The following POU6F2 variants were observed in gnomAD, a reference collection of about 807,000 sequenced individuals.
The protein encoded by POU6F2 is POU class 6 homeobox 2.
Under a neutral mutation model 71.3 loss-of-function variants are expected in POU6F2, and 31 were observed. That is an observed-to-expected ratio of 0.43 (90% CI 0.33 to 0.59). The LOEUF (loss-of-function observed/expected upper bound fraction) is 0.59. Ranked by LOEUF, POU6F2 falls within the 20% of genes least tolerant of loss-of-function variation. The probability of loss-of-function intolerance (pLI) is 0.04; values close to 1 mark genes in which losing one functional copy is unlikely to be tolerated. For synonymous variants in POU6F2, 347 were observed against 355.7 expected (o/e 0.98, Z 0.27); for missense variants, 783 against 856.8 (o/e 0.91, Z 1.07).
intron 5 of POU6F2, among the ~76,000 whole-genome samples, chr7:39,399,832 A>C (rs1237828962): frequency 6.6e-6 from 1 of 151,736 alleles, no homozygotes; most frequent in Non-Finnish European, 1.5e-5. Context: ...CCTGGGCAAC[A>C]AAGGGAGACC....
chr7:39,107,336 T>C (rs2128724839), intron 2 of POU6F2, among the ~76,000 whole-genome samples: 1 of 152,320 alleles, frequency 6.6e-6, no homozygotes, highest in East Asian at 1.9e-4. Flanking sequence ...TTAGCCACTG[T>C]GCCCACCTTC....
intron 2 of POU6F2, among the ~76,000 whole-genome samples, chr7:39,091,859 G>A (rs1791368413): frequency 6.6e-6 from 1 of 152,182 alleles, no homozygotes; most frequent in African/African-American, 2.4e-5. Flanking sequence ...TTTGTTATGA[G>A]ACAGCCAACA....
At chr7:39,370,863 C>T (rs1464938495) in intron 5 of POU6F2, among the ~76,000 whole-genome samples, 3 of 152,172 alleles carry the variant, frequency 2.0e-5, no homozygotes, top group Admixed American at 1.3e-4. Context: ...CCTGTAGGCT[C>T]AACCTGCAGA....
At chr7:39,190,706 C>T (rs1014640368) in intron 2 of POU6F2, among the ~76,000 whole-genome samples, 5 of 139,766 alleles carry the variant, frequency 3.6e-5, no homozygotes, top group African/African-American at 1.1e-4. Context: ...AGCATGATCT[C>T]GGCTCACTGC....
At chr7:39,406,290 G>C in intron 5 of POU6F2, 1 of 342,722 alleles carries the variant, frequency 2.9e-6, no homozygotes, top group South Asian at 4.6e-5. Context: ...GGGCTTCTGC[G>C]AAATCATTTC....
intron 4 of POU6F2, among the ~76,000 whole-genome samples, chr7:39,300,567 G>T (rs4723849): frequency 0.46 from 69,477 of 151,982 alleles, 16,721 homozygotes; most frequent in Admixed American, 0.59. Context: ...TTTATTTTCT[G>T]ACAGTTCTGG....
intron 1 of POU6F2, among the ~76,000 whole-genome samples, chr7:39,009,168 T>C (rs1024671938): frequency 1.5e-4 from 23 of 151,938 alleles, no homozygotes; most frequent in Admixed American, 3.3e-4. Flanking sequence ...TGGAATGTTC[T>C]TCCATTTGTT....
chr7:39,317,124 C>G (rs1785283613), intron 4 of POU6F2, among the ~76,000 whole-genome samples: 1 of 152,200 alleles, frequency 6.6e-6, no homozygotes, highest in Non-Finnish European at 1.5e-5. Flanking sequence ...ATCCCACCCC[C>G]TCCGCAGTAA....
chr7:39,100,051 TA>T (rs1337733365), intron 2 of POU6F2, among the ~76,000 whole-genome samples: 1 of 152,234 alleles, frequency 6.6e-6, no homozygotes, highest in Non-Finnish European at 1.5e-5. Flanking sequence ...TTTCTGCCCC[TA>T]AATGGAAGTG....
intron 2 of POU6F2, among the ~76,000 whole-genome samples, chr7:39,098,878 T>G (rs541053165): frequency 1.3e-5 from 2 of 152,358 alleles, no homozygotes; most frequent in East Asian, 3.9e-4. Context: ...TGATTAATTT[T>G]GGGCAGCAGA....
Position 39,179,088 on chromosome 7 carries a change from G to C in POU6F2, c.278-25147G>C, listed in dbSNP as rs1263208870. Among the ~76,000 whole-genome samples the C allele has an allele frequency of 1.8e-3, 279 of 152,272 alleles. 3 individuals carry two copies. Among genetic ancestry groups the C allele is most frequent in the African/African-American group, 6.4e-3 (265 of 41,550 alleles). On this transcript the variant is annotated intron_variant, in intron 2 of 9. Transcript: ENST00000518318. ...ATACCTGGAGTTTAGATTCCATAAAGATAACATGATTGTATTCCACCTTAT... is the reference window on the plus strand; with the variant it reads ...ATACCTGGAGTTTAGATTCCATAAACATAACATGATTGTATTCCACCTTAT...
At chr7:38,996,932 G>T (rs1401141979) in intron 1 of POU6F2, among the ~76,000 whole-genome samples, 1 of 152,156 alleles carries the variant, frequency 6.6e-6, no homozygotes, top group African/African-American at 2.4e-5. Flanking sequence ...TCTTTATCCA[G>T]TCTTGCTCCA....
Position 39,464,423 on chromosome 7 carries a change from T to C in POU6F2, c.1900T>C (p.Ser634Pro), listed in dbSNP as rs933120034. The change falls in exon 10 of 10, where the codon TCC (serine) becomes CCC (proline). Residue 634 changes from serine to proline, a missense_variant. Physicochemically the swap from Ser to Pro is moderately conservative, Grantham distance 74. Coordinates refer to ENST00000518318, the MANE Select transcript of POU6F2 (RefSeq NM_001370959.1). This position sits in a 1 kb window ranked among gnomAD's most constrained non-coding sequence, Gnocchi z 4.1. ...NLTEFIGSEP[S>P]KKRKRRTSFT... is the part of the protein sequence containing the mutation. ...GACCGAGTTTATCGGGAGTGAACCA[T>C]CCAAAAAGCGCAAGCGGCGCACCTC... 1 of 1,613,760 alleles carries C rather than the reference T, an allele frequency of 6.2e-7. No homozygotes were observed. Among genetic ancestry groups the C allele is most frequent in the Non-Finnish European group, 8.5e-7 (1 of 1,179,864 alleles).
intron 2 of POU6F2, among the ~76,000 whole-genome samples, chr7:39,185,315 G>A (rs772600121): frequency 3.3e-5 from 5 of 152,108 alleles, no homozygotes; most frequent in East Asian, 3.9e-4. Context: ...CCAGGACAGC[G>A]CCACTGGATT....
intron 4 of POU6F2, among the ~76,000 whole-genome samples, chr7:39,219,453 C>T (rs746783952): frequency 9.9e-5 from 15 of 152,102 alleles, no homozygotes; most frequent in Non-Finnish European, 1.8e-4. Context: ...ACCTTTGGGT[C>T]ATGCCTGCTG....
intron 2 of POU6F2, among the ~76,000 whole-genome samples, chr7:39,090,715 A>C (rs546637447): frequency 2.0e-5 from 3 of 152,182 alleles, no homozygotes; most frequent in Non-Finnish European, 4.4e-5. Context: ...TTTCTATATC[A>C]ATTGAAAATT....
At chr7:39,189,411 G>A (rs58647599) in intron 2 of POU6F2, among the ~76,000 whole-genome samples, 43,842 of 151,960 alleles carry the variant, frequency 0.29, 6,775 homozygotes, top group East Asian at 0.7. Flanking sequence ...ACGGAGTCTC[G>A]CTCTGTCGCC....
rs1041469921 is a variant in POU6F2 at position 39,460,777 on chromosome 7, G to C, written c.1658+62G>C. On this transcript the variant is annotated intron_variant, in intron 9 of 9. Coordinates refer to ENST00000518318, the MANE Select transcript of POU6F2 (RefSeq NM_001370959.1). The surrounding 1 kb of genome is among the most constrained non-coding windows in gnomAD (Gnocchi z 4.4). ...GCCCTGGGCCTCATTTGTCCTCGCG[G>C]TTCAGCTTTTCTTCGTCGGGTGGGC... The C allele has an allele frequency of 1.2e-5, 18 of 1,452,732 alleles. No homozygotes were observed. Among genetic ancestry groups the C allele is most frequent in the Non-Finnish European group, 1.5e-5 (16 of 1,099,738 alleles). 90.0% of individuals were successfully genotyped at this position (1,452,732 alleles called of 1,614,324 possible).
intron 2 of POU6F2, among the ~76,000 whole-genome samples, chr7:39,125,247 T>G (rs1792118345): frequency 6.6e-6 from 1 of 152,210 alleles, no homozygotes; most frequent in African/African-American, 2.4e-5. Context: ...TGAGCATTTA[T>G]GTATCTGTGG....
Sources: allele counts gnomAD v4.1 joint callset (sites outside exome capture counted in the v4.1 genomes callset), GRCh38; gene constraint gnomAD v4.1.1; non-coding constraint Gnocchi (gnomAD v3.1); transcripts MANE v1.5; gene names NCBI Gene and HGNC (gene_info 2026-07-23, HGNC 2026-07-21).